The following CACNA1A variants were observed in gnomAD, a reference collection of about 807,000 sequenced individuals.
CACNA1A encodes calcium voltage-gated channel subunit alpha1 A.
A neutral mutation model predicts 262.4 loss-of-function variants in CACNA1A; 57 were observed. The observed-to-expected ratio is 0.22, with a 90% confidence interval of 0.18 to 0.27. The LOEUF is 0.27. Ranked by LOEUF, CACNA1A falls within the 10% of genes least tolerant of loss-of-function variation. The pLI, the probability that CACNA1A is intolerant of heterozygous loss-of-function variation, is 1.00. For synonymous variants in CACNA1A, 1,431 were observed against 1,419.3 expected, an observed-to-expected ratio of 1.01 and a Z score of -0.18; for missense variants, 2,526 against 3,562.8, an observed-to-expected ratio of 0.71 and a Z score of 7.41.
chr19:13,318,890 C>CTTGTTTTTTTTTTTTTTTTTTTTT (rs2058186266), intron 10 of CACNA1A, among the ~76,000 whole-genome samples: 1 of 114,668 alleles, frequency 8.7e-6, no homozygotes, highest in African/African-American at 3.7e-5. Context: ...TAAAATACAT[C>CTTGTTTTTTTTTTTTTTTTTTTTT]TTTTTTTTTT....
chr19:13,381,741 C>T (rs936248004), intron 3 of CACNA1A, among the ~76,000 whole-genome samples: 2 of 152,136 alleles, frequency 1.3e-5, no homozygotes, highest in African/African-American at 2.4e-5. Context: ...CAGGCTGGAC[C>T]GTGCATTTAA....
chr19:13,255,813 TTTCC>T (rs2056548741), intron 28 of CACNA1A, among the ~76,000 whole-genome samples: 2 of 129,670 alleles, frequency 1.5e-5, no homozygotes, highest in African/African-American at 2.9e-5. Flanking sequence ...CACTTTCCTT[TTTCC>T]TTCCTTCCCT....
At chr19:13,367,294 C>CA (rs71168702) in intron 4 of CACNA1A, among the ~76,000 whole-genome samples, 4,291 of 63,588 alleles carry the variant, frequency 0.067, 411 homozygotes, top group African/African-American at 0.19. Context: ...GACTCTGTCT[C>CA]AAAAAAAAAA....
rs572728151 is a variant in CACNA1A at position 13,332,691 on chromosome 19, C to T, written c.1255+178G>A. 9.9e-5 allele frequency among the ~76,000 whole-genome samples: 15 copies of T among 151,998 alleles called. No individual in the cohort carries two copies. In the South Asian group the frequency reaches 1.7e-3, roughly 17 times the overall value. ...GAAAAAACCAGGTCCATGGTTAAAA[C>T]AAAAAAGTGGAGGCCAGAATAGGGA... On this transcript the variant is annotated intron_variant, in intron 9 of 46. Coordinates refer to ENST00000360228, the MANE Select transcript of CACNA1A (RefSeq NM_001127222.2).
intron 3 of CACNA1A, among the ~76,000 whole-genome samples, chr19:13,413,579 A>AG (rs1429347223): frequency 2.0e-5 from 3 of 147,206 alleles, no homozygotes; most frequent in Admixed American, 6.8e-5. Flanking sequence ...CTTAAAAAAA[A>AG]AAAAAAAAAA....
intron 28 of CACNA1A, 75 bp from the exon 29 acceptor site, chr19:13,255,334 A>C: frequency 7.2e-7 from 1 of 1,388,480 alleles, no homozygotes; most frequent in South Asian, 1.5e-5. Context: ...CCCTCTGTCT[A>C]ACTCGTCGCG....
In CACNA1A at chr19:13,212,065, G is replaced by T; in HGVS notation, c.6303+38C>A. The T allele has an allele frequency of 6.9e-7, 1 of 1,453,602 alleles. No individual in the cohort carries two copies. The highest frequency in any genetic ancestry group is 9.6e-7 in the Non-Finnish European group (1 of 1,040,584). 90.0% of individuals were successfully genotyped at this position (1,453,602 alleles called of 1,614,324 possible). On this transcript the variant is annotated intron_variant, in intron 43 of 46. Transcript: ENST00000360228. This position sits in a 1 kb window ranked among gnomAD's most constrained non-coding sequence, Gnocchi z 5.6. ...GGCCTGGCCCTACCCAGTGCAGAGTGAGGGGTCCAGCCCCAGGGCAGTGGT... is the reference window on the plus strand; with the variant it reads ...GGCCTGGCCCTACCCAGTGCAGAGTTAGGGGTCCAGCCCCAGGGCAGTGGT...
intron 6 of CACNA1A, among the ~76,000 whole-genome samples, chr19:13,340,591 T>C (rs966445879): frequency 2.0e-5 from 3 of 152,078 alleles, no homozygotes; most frequent in African/African-American, 7.2e-5. Context: ...CATGCCCAGC[T>C]AATTTTTCTA....
chr19:13,328,767 G>A (rs2058413982), intron 10 of CACNA1A, among the ~76,000 whole-genome samples: 1 of 151,976 alleles, frequency 6.6e-6, no homozygotes, highest in Non-Finnish European at 1.5e-5. Context: ...ATATGTGATC[G>A]CAATGGAAAT....
At chr19:13,421,116 G>A (rs1292299575) in intron 3 of CACNA1A, among the ~76,000 whole-genome samples, 1 of 152,188 alleles carries the variant, frequency 6.6e-6, no homozygotes, top group Admixed American at 6.6e-5. Flanking sequence ...TTGTGCAAAT[G>A]GTGCTGAAGA....
In CACNA1A at chr19:13,391,571, G is replaced by A. The variant is rs568571290; in HGVS notation, c.540-19792C>T. Among the ~76,000 whole-genome samples the A allele has an allele frequency of 9.0e-4, 137 of 152,230 alleles. 1 individual carries two copies. The highest frequency in any genetic ancestry group is 2.9e-3 in the African/African-American group (119 of 41,542). ...GTAAGTGATTCTAGAAGAGACAGGA[G>A]CTCGAGAGGGATGAGAGCTCTGGAG... On this transcript the variant is annotated intron_variant, in intron 3 of 46. Transcript: ENST00000360228.
At chr19:13,317,860 C>T (rs2058157545) in intron 10 of CACNA1A, among the ~76,000 whole-genome samples, 1 of 152,198 alleles carries the variant, frequency 6.6e-6, no homozygotes, top group South Asian at 2.1e-4. Context: ...AGGCTCTGTT[C>T]CAGGGGCTCA....
intron 34 of CACNA1A, among the ~76,000 whole-genome samples, chr19:13,232,947 G>A (rs899370732): frequency 6.6e-6 from 1 of 151,450 alleles, no homozygotes; most frequent in African/African-American, 2.4e-5. Context: ...TACTCGGGAG[G>A]CTGAGGCAGG....
intron 10 of CACNA1A, among the ~76,000 whole-genome samples, chr19:13,327,235 G>A (rs145668854): frequency 3.9e-5 from 6 of 152,164 alleles, no homozygotes; most frequent in African/African-American, 9.6e-5. Flanking sequence ...TTCCTTGCCA[G>A]AATCCTGGAA....
At chr19:13,379,512 C>G (rs1161150448) in intron 3 of CACNA1A, among the ~76,000 whole-genome samples, 1 of 152,086 alleles carries the variant, frequency 6.6e-6, no homozygotes, top group African/African-American at 2.4e-5. Flanking sequence ...AAAGTTACCA[C>G]AGAGCAAGGG....
rs1568700769 is a variant in CACNA1A, at chr19:13,490,722, AAAGAAAGAAAG to A, written c.293+15199_293+15209del. On this transcript the variant is annotated intron_variant, in intron 1 of 46. Transcript: ENST00000360228. ...GAAAGAAAGAAAGAAAGAAAGAAAGAAAGAAAGAAAGAGAAAAGAAAGAAAGAAAAGAAGGA... is the reference window on the plus strand; with the variant it reads ...GAAAGAAAGAAAGAAAGAAAGAAAGAAGAAAAGAAAGAAAGAAAAGAAGGA... Among the ~76,000 whole-genome samples, 5 of 117,812 alleles carry A rather than the reference AAAGAAAGAAAG, an allele frequency of 4.2e-5. No homozygotes were observed. In the South Asian group the frequency reaches 1.4e-3, roughly 33 times the overall value. The allele number at this position is 117,812 out of a possible 152,430, so 77.3% of individuals were successfully genotyped here.
rs1244488750 is a variant in CACNA1A, at chr19:13,299,448, TC to T, written c.2280-96del. On this transcript the variant is annotated intron_variant, in intron 18 of 46. Coordinates refer to ENST00000360228, the MANE Select transcript of CACNA1A (RefSeq NM_001127222.2). ...ACCAACCCACATCTCAGCCTCCCAC[TC>T]CTGCTCTCCACCCTCTACTCCCCAC... 7.2e-6 allele frequency: 7 copies of T among 978,694 alleles called. No individual in the cohort carries two copies. In the African/African-American group the frequency reaches 9.5e-5, roughly 13 times the overall value. 60.6% of individuals were successfully genotyped at this position (978,694 alleles called of 1,614,324 possible).
intron 3 of CACNA1A, among the ~76,000 whole-genome samples, chr19:13,379,980 T>G (rs1419105163): frequency 7.7e-6 from 1 of 129,664 alleles, no homozygotes; most frequent in Non-Finnish European, 1.6e-5. Flanking sequence ...AGAAATCTAT[T>G]AAGAGCTACT....
intron 28 of CACNA1A, 98 bp downstream of exon 28, chr19:13,257,252 C>A: frequency 1.0e-6 from 1 of 953,828 alleles, no homozygotes; most frequent in Non-Finnish European, 1.6e-6. Flanking sequence ...GTTCCCTCCC[C>A]CAGGTACCCC....
Sources: allele counts gnomAD v4.1 joint callset (sites outside exome capture counted in the v4.1 genomes callset), GRCh38; gene constraint gnomAD v4.1.1; non-coding constraint Gnocchi (gnomAD v3.1); transcripts MANE v1.5; gene names NCBI Gene and HGNC (gene_info 2026-07-23, HGNC 2026-07-21).